Variants in ABHD2 observed in about 807,000 individuals in gnomAD.
The protein encoded by ABHD2 is abhydrolase domain containing 2, acylglycerol lipase, also known as monoacylglycerol lipase ABHD2.
ABHD2 carries 20 observed loss-of-function variants against 48.1 expected under a neutral mutation model. That is an observed-to-expected ratio of 0.42 (90% CI 0.29 to 0.60). ABHD2 has a LOEUF of 0.60. Ranked by LOEUF, ABHD2 falls within the 20% of genes least tolerant of loss-of-function variation. The pLI is 0.24. For synonymous variants in ABHD2, 209 were observed against 214.2 expected (o/e 0.98, Z 0.21); for missense variants, 405 against 550.9 (o/e 0.74, Z 2.65).
At chr15:89,132,655 A>G (rs1456690154) in intron 3 of ABHD2, among the ~76,000 whole-genome samples, 1 of 152,236 alleles carries the variant, frequency 6.6e-6, no homozygotes, top group East Asian at 1.9e-4. Flanking sequence ...TATGCATTTC[A>G]TCTTTCATAG....
chr15:89,190,067 G>A (rs1296005682), intron 8 of ABHD2, among the ~76,000 whole-genome samples: 1 of 152,178 alleles, frequency 6.6e-6, no homozygotes, highest in East Asian at 1.9e-4. Context: ...CCTGTCAAGA[G>A]GGCCCTACTA....
chr15:89,122,328 C>A (rs568011372), intron 3 of ABHD2, among the ~76,000 whole-genome samples: 7 of 152,184 alleles, frequency 4.6e-5, no homozygotes, highest in Non-Finnish European at 1.5e-5. Flanking sequence ...AAATCAAGAG[C>A]CGCATACCTG....
intron 3 of ABHD2, chr15:89,136,023 T>G (rs987841043): frequency 3.5e-5 from 8 of 227,118 alleles, no homozygotes; most frequent in Non-Finnish European, 7.0e-5. Flanking sequence ...GCCTCCCAGG[T>G]TCAAGCGATT....
chr15:89,187,102 G>GA (rs2051223515), intron 7 of ABHD2, among the ~76,000 whole-genome samples: 1 of 152,240 alleles, frequency 6.6e-6, no homozygotes, highest in Admixed American at 6.5e-5. Context: ...TTTGTAGCCA[G>GA]AAGGGGTGGA....
intron 8 of ABHD2, among the ~76,000 whole-genome samples, chr15:89,190,581 C>T (rs1487020805): frequency 6.6e-6 from 1 of 152,086 alleles, no homozygotes. Flanking sequence ...ATAGTGACAT[C>T]TGGTTTTATA....
At chr15:89,156,249 T>A (rs540093220) in intron 5 of ABHD2, among the ~76,000 whole-genome samples, 1 of 150,346 alleles carries the variant, frequency 6.7e-6, no homozygotes, top group Non-Finnish European at 1.5e-5. Context: ...GCCTCCCAAG[T>A]AGCTGGGACT....
Position 89,188,235 on chromosome 15 carries a change from GGAA to G in ABHD2, c.861_863del (p.Glu287del), listed in dbSNP as rs756188283. The G allele has an allele frequency of 2.5e-6, 4 of 1,611,378 alleles. No individual in the cohort carries two copies. Among genetic ancestry groups the G allele is most frequent in the Non-Finnish European group, 3.4e-6 (4 of 1,178,854 alleles). On this transcript the variant is annotated inframe_deletion, in exon 8 of 11. Transcript: ENST00000352732. The surrounding 1 kb of genome is among the most constrained non-coding windows in gnomAD (Gnocchi z 4.1). ...ACCATGTTAAGAAACCCCAGAGCCTGGAAGACACGGACTTGAGCCGGCTCTACA... is the reference window on the plus strand; with the variant it reads ...ACCATGTTAAGAAACCCCAGAGCCTGGACACGGACTTGAGCCGGCTCTACA...
In ABHD2 at chr15:89,155,303, A is replaced by C. The variant is rs1223179263; in HGVS notation, c.371-64A>C. 4 of 1,530,026 alleles carry C rather than the reference A, an allele frequency of 2.6e-6. No homozygotes were observed. In the Admixed American group the frequency reaches 6.9e-5, roughly 26 times the overall value. The allele number at this position is 1,530,026 out of a possible 1,614,324, so 94.8% of individuals were successfully genotyped here. A position where few individuals can be genotyped will look rare whatever the true frequency, so the allele number is the denominator to read the frequency against. On this transcript the variant is annotated intron_variant, in intron 4 of 10. Coordinates refer to ENST00000352732, the MANE Select transcript of ABHD2 (RefSeq NM_152924.5). This position sits in a 1 kb window ranked among gnomAD's most constrained non-coding sequence, Gnocchi z 4.9. ...CTTGTTTTCTAGACCAGTGAAGTGT[A>C]ATTATGTCCATTTATCATGTCACAT...
At position 89,201,390 on chromosome 15, in the gene ABHD2, G is replaced by T; in HGVS notation, c.*5967G>T. 1 of 1,171,616 alleles carries T rather than the reference G, an allele frequency of 8.5e-7. No individual in the cohort carries two copies. Among genetic ancestry groups the T allele is most frequent in the Admixed American group, 1.8e-5 (1 of 54,308 alleles). 72.6% of individuals were successfully genotyped at this position (1,171,616 alleles called of 1,614,324 possible). A position where few individuals can be genotyped will look rare whatever the true frequency, so the allele number is the denominator to read the frequency against. On this transcript the variant is annotated 3_prime_UTR_variant, in exon 11 of 11. Transcript: ENST00000352732. The stretch of plus-strand genomic sequence containing the variant: ...GCATTCAGTGGGACAGCTTTGCTGG[G>T]TTCCATGTCATTCAATTTATCATTT...
chr15:89,074,873 C>A, the ABHD2 span, among the ~76,000 whole-genome samples: 1 of 152,182 alleles, frequency 6.6e-6, no homozygotes, highest in African/African-American at 2.4e-5. Flanking sequence ...TGCTGTCATC[C>A]TGTTTCCTGC....
rs144012597 is a variant in ABHD2 at position 89,191,681 on chromosome 15, G to A, written c.996+532G>A. On this transcript the variant is annotated intron_variant, in intron 9 of 10. Coordinates refer to ENST00000352732, the MANE Select transcript of ABHD2 (RefSeq NM_152924.5). ...CTCGCTCTGTCGCCCAGGCTGGAGT[G>A]CAGTGGCGCAATCTCTGCTCACTGC... Among the ~76,000 whole-genome samples the A allele has an allele frequency of 1.1e-3, 126 of 119,068 alleles. 4 individuals carry two copies. The East Asian group carries it at 0.015, about 14-fold the overall frequency. 78.1% of individuals were successfully genotyped at this position (119,068 alleles called of 152,430 possible).
At chr15:89,193,395 G>C in intron 10 of ABHD2, 76 bp downstream of exon 10, 3 of 1,203,300 alleles carry the variant, frequency 2.5e-6, no homozygotes, top group Non-Finnish European at 3.7e-6. Context: ...TCACCATGCT[G>C]TCATCTCCTG....
At chr15:89,170,890 G>A (rs2050915592) in intron 5 of ABHD2, among the ~76,000 whole-genome samples, 1 of 152,174 alleles carries the variant, frequency 6.6e-6, no homozygotes, top group African/African-American at 2.4e-5. Context: ...GGCCGAGGGG[G>A]GCGGATCACA....
rs1285721502 is a variant in ABHD2, at chr15:89,097,608, T to G, written c.-107+9045T>G. Among the ~76,000 whole-genome samples, 1 of 152,212 alleles carries G rather than the reference T, an allele frequency of 6.6e-6. No homozygotes were observed. The highest frequency in any genetic ancestry group is 1.5e-5 in the Non-Finnish European group (1 of 68,040). On this transcript the variant is annotated intron_variant, in intron 1 of 10. Transcript: ENST00000352732. This position sits in a 1 kb window ranked among gnomAD's most constrained non-coding sequence, Gnocchi z 4.2. ...GTAATTTGTTGGAGAAACTGGGTAGTCTGTCCAGTAGAGGTATTTGTTTAC... is the reference window on the plus strand; with the variant it reads ...GTAATTTGTTGGAGAAACTGGGTAGGCTGTCCAGTAGAGGTATTTGTTTAC...
rs79443244 is a variant in ABHD2 at position 89,121,071 on chromosome 15, A to G, written c.194+4550A>G. Among the ~76,000 whole-genome samples, 239 of 152,334 alleles carry G rather than the reference A, an allele frequency of 1.6e-3. 2 individuals are homozygous for G. Among genetic ancestry groups the G allele is most frequent in the African/African-American group, 5.7e-3 (235 of 41,572 alleles). ...TTTTTTATAGCTTCAGAATTCTGTC[A>G]TTCATTCAAATTTCCTGATGGCTGC... On this transcript the variant is annotated intron_variant, in intron 3 of 10. Coordinates refer to ENST00000352732, the MANE Select transcript of ABHD2 (RefSeq NM_152924.5).
In ABHD2 at chr15:89,170,080, C is replaced by CTTTTTTTTTTTTTTTTTT. The variant is rs748983183; in HGVS notation, c.539-5716_539-5699dup. On this transcript the variant is annotated intron_variant, in intron 5 of 10. Coordinates refer to ENST00000352732, the MANE Select transcript of ABHD2 (RefSeq NM_152924.5). ...GAGCCATTCCATGTCAGATCAGATT[C>CTTTTTTTTTTTTTTTTTT]TTTTTTTTTTTTTTTTTTTTTTTTT... 1.1e-4 allele frequency among the ~76,000 whole-genome samples: 4 copies of CTTTTTTTTTTTTTTTTTT among 37,502 alleles called. 1 individual carries two copies. Among genetic ancestry groups the CTTTTTTTTTTTTTTTTTT allele is most frequent in the African/African-American group, 2.3e-4 (3 of 13,244 alleles). 24.6% of individuals were successfully genotyped at this position (37,502 alleles called of 152,430 possible).
At chr15:89,103,488 G>C (rs1296522147) in intron 1 of ABHD2, among the ~76,000 whole-genome samples, 4 of 152,102 alleles carry the variant, frequency 2.6e-5, no homozygotes, top group Non-Finnish European at 1.5e-5. Flanking sequence ...GCAGAATCTG[G>C]AATCAAACGC....
intron 5 of ABHD2, among the ~76,000 whole-genome samples, chr15:89,165,511 A>G (rs760427120): frequency 1.2e-4 from 18 of 152,230 alleles, no homozygotes; most frequent in Non-Finnish European, 2.2e-4. Context: ...TCAGCTACTC[A>G]GGAGACTAAG....
chr15:89,119,010 C>A (rs917792314), intron 3 of ABHD2, among the ~76,000 whole-genome samples: 1 of 152,152 alleles, frequency 6.6e-6, no homozygotes, highest in Admixed American at 6.5e-5. Context: ...AAATTAGCAT[C>A]AGCCTAAGCC....
Sources: gnomAD v4.1 joint callset for allele counts (sites outside exome capture counted in the v4.1 genomes callset) on GRCh38, gnomAD v4.1.1 for gene constraint, Gnocchi (gnomAD v3.1) non-coding constraint, MANE v1.5 for transcripts, NCBI Gene and HGNC (gene_info 2026-07-23, HGNC 2026-07-21) for gene names.